NUP62CL: variants seen among roughly 807,000 people sequenced by gnomAD.
The protein encoded by NUP62CL is nucleoporin 62 C-terminal like, also known as nucleoporin-62 C-terminal-like protein.
NUP62CL carries 13 observed loss-of-function variants against 15.3 expected under a neutral mutation model. That is an observed-to-expected ratio of 0.85 (90% CI 0.55 to 1.35). The LOEUF (loss-of-function observed/expected upper bound fraction) is 1.35, where lower values mean the gene tolerates loss of function less well. NUP62CL is among the 40% of genes most tolerant of loss of function. NUP62CL has a pLI of 0.00. For synonymous variants in NUP62CL, 54 were observed against 49.2 expected, an observed-to-expected ratio of 1.10 and a Z score of -0.41; for missense variants, 123 against 130.6, an observed-to-expected ratio of 0.94 and a Z score of 0.28.
In NUP62CL at chrX:107,139,992, G is replaced by C. The variant is rs1013048869; in HGVS notation, c.*42+7751C>G. Among the ~76,000 whole-genome samples, 3 of 111,685 alleles carry C rather than the reference G, an allele frequency of 2.7e-5. No homozygotes were observed. In the East Asian group the frequency reaches 8.4e-4, roughly 31 times the overall value. ...TGCTAAGTATGTCTGATGGGAGAAAGAGTATTTACAGAGATGTACAAAGCT... is the reference window on the plus strand; with the variant it reads ...TGCTAAGTATGTCTGATGGGAGAAACAGTATTTACAGAGATGTACAAAGCT... On this transcript the variant is annotated intron_variant, in intron 8 of 8. Coordinates refer to ENST00000372466, the MANE Select transcript of NUP62CL (RefSeq NM_017681.3).
chrX:107,187,893 C>T (rs1357343999), intron 2 of NUP62CL, among the ~76,000 whole-genome samples: 1 of 112,481 alleles, frequency 8.9e-6, no homozygotes, highest in Non-Finnish European at 1.9e-5. Context: ...AAAACATAAA[C>T]GACCACAATT....
intron 8 of NUP62CL, among the ~76,000 whole-genome samples, chrX:107,136,896 G>T (rs1041748245): frequency 1.7e-4 from 19 of 110,887 alleles, no homozygotes; most frequent in African/African-American, 6.2e-4. Flanking sequence ...GTGAAACTCT[G>T]TCTCTACTAA....
intron 4 of NUP62CL, 49 bp downstream of exon 4, chrX:107,167,600 A>G (rs1462181877): frequency 1.1e-6 from 1 of 936,432 alleles, no homozygotes; most frequent in Admixed American, 2.6e-5. Flanking sequence ...TGTCTTGTAC[A>G]TGATAAATAA....
At chrX:107,152,151 G>GATAT (rs760687909) in intron 7 of NUP62CL, among the ~76,000 whole-genome samples, 8 of 42,857 alleles carry the variant, frequency 1.9e-4, no homozygotes, top group African/African-American at 8.6e-4. Flanking sequence ...TATATATTCA[G>GATAT]ATATATATAT....
At chrX:107,176,165 T>G (rs1358580291) in intron 2 of NUP62CL, among the ~76,000 whole-genome samples, 1 of 110,577 alleles carries the variant, frequency 9.0e-6, no homozygotes, top group Non-Finnish European at 1.9e-5. Context: ...TGAAACAGAG[T>G]GTGAGGACAT....
intron 2 of NUP62CL, among the ~76,000 whole-genome samples, chrX:107,182,422 C>T (rs1157333497): frequency 1.8e-5 from 2 of 112,322 alleles, no homozygotes; most frequent in East Asian, 5.6e-4. Context: ...TCACAATTTC[C>T]TCCATCTAGT....
intron 4 of NUP62CL, among the ~76,000 whole-genome samples, chrX:107,155,946 G>T (rs1926171160): frequency 1.8e-5 from 2 of 112,500 alleles, no homozygotes; most frequent in South Asian, 7.4e-4. Flanking sequence ...GCCAAAGCAG[G>T]GCGAGGCATT....
At chrX:107,131,956 C>A (rs1925528332) in intron 8 of NUP62CL, 1 of 1,024,804 alleles carries the variant, frequency 9.8e-7, no homozygotes, top group Non-Finnish European at 1.4e-6. Flanking sequence ...GACAAGAACT[C>A]TTCTGACAGA....
At chrX:107,131,696 T>C (rs1925522730) in intron 8 of NUP62CL, 2 of 707,829 alleles carry the variant, frequency 2.8e-6, no homozygotes, top group South Asian at 4.3e-5. Context: ...GGAGGAGCAG[T>C]TGGTTCTAGT....
intron 4 of NUP62CL, among the ~76,000 whole-genome samples, chrX:107,165,315 AT>A (rs1004369061): frequency 8.2e-5 from 9 of 109,433 alleles, no homozygotes; most frequent in Admixed American, 2.0e-4. Context: ...AAAAAAAAAA[AT>A]AATAATAATA....
intron 2 of NUP62CL, among the ~76,000 whole-genome samples, chrX:107,179,187 A>G (rs185873081): frequency 7.1e-5 from 8 of 112,119 alleles, no homozygotes; most frequent in Admixed American, 6.6e-4. Flanking sequence ...TGAATTTTTA[A>G]TATGGGTTTC....
At chrX:107,132,189 G>A in intron 8 of NUP62CL, 1 of 1,123,493 alleles carries the variant, frequency 8.9e-7, no homozygotes, top group Non-Finnish European at 1.2e-6. Context: ...CAATGCACTT[G>A]GAAATAGAAG....
chrX:107,181,204 T>C (rs1926913712), intron 2 of NUP62CL, among the ~76,000 whole-genome samples: 3 of 110,400 alleles, frequency 2.7e-5, no homozygotes, highest in Non-Finnish European at 5.7e-5. Flanking sequence ...GCATGAGCCA[T>C]GCACCTGGCT....
At chrX:107,151,538 C>CAA (rs2147797954) in intron 7 of NUP62CL, among the ~76,000 whole-genome samples, 1 of 109,912 alleles carries the variant, frequency 9.1e-6, no homozygotes, top group South Asian at 3.9e-4. Flanking sequence ...CACACACACA[C>CAA]ACACACACGA....
chrX:107,134,029 AG>A (rs1364384298), intron 8 of NUP62CL, among the ~76,000 whole-genome samples: 2 of 112,519 alleles, frequency 1.8e-5, no homozygotes. Context: ...ACTAGGGATT[AG>A]GGCATGGAAG....
At chrX:107,144,721 T>C (rs1203042619) in intron 8 of NUP62CL, among the ~76,000 whole-genome samples, 7 of 111,518 alleles carry the variant, frequency 6.3e-5, no homozygotes, top group African/African-American at 2.3e-4. Flanking sequence ...TCTCAGCAGT[T>C]CTTATAACCT....
At chrX:107,144,165 T>G (rs2147795554) in intron 8 of NUP62CL, among the ~76,000 whole-genome samples, 1 of 112,209 alleles carries the variant, frequency 8.9e-6, no homozygotes, top group African/African-American at 3.2e-5. Flanking sequence ...CTGTGTTTAC[T>G]TAGAACTTTC....
At chrX:107,191,929 ATCC>A (rs1408995874) in intron 2 of NUP62CL, among the ~76,000 whole-genome samples, 1 of 111,891 alleles carries the variant, frequency 8.9e-6, no homozygotes, top group Non-Finnish European at 1.9e-5. Flanking sequence ...ATTTAAATTA[ATCC>A]TCCTAAGAAA....
intron 1 of NUP62CL, among the ~76,000 whole-genome samples, chrX:107,193,696 A>C (rs1927299060): frequency 1.8e-5 from 2 of 111,393 alleles, no homozygotes; most frequent in Admixed American, 1.9e-4. Flanking sequence ...AGTCAAAAAA[A>C]AAAAGCCCTT....
Sources: allele counts gnomAD v4.1 joint callset (sites outside exome capture counted in the v4.1 genomes callset), GRCh38; gene constraint gnomAD v4.1.1; transcripts MANE v1.5; gene names NCBI Gene and HGNC (gene_info 2026-07-23, HGNC 2026-07-21).